Variants in ABCA12 observed in about 807,000 individuals in gnomAD.
ABCA12 encodes glucosylceramide transporter ABCA12.
ABCA12 carries 156 observed loss-of-function variants against 293.5 expected under a neutral mutation model. That is an observed-to-expected ratio of 0.53 (90% CI 0.47 to 0.61). The LOEUF is 0.61. Among genes scored for constraint, ABCA12 ranks in the 20% least tolerant of loss-of-function variants. ABCA12 has a pLI of 0.00. For synonymous variants in ABCA12, 1,063 were observed against 1,108.0 expected, an observed-to-expected ratio of 0.96 and a Z score of 0.81; for missense variants, 2,797 against 3,090.2, an observed-to-expected ratio of 0.91 and a Z score of 2.25.
intron 9 of ABCA12, chr2:215,030,369 C>G (rs1009393564): frequency 6.6e-6 from 1 of 150,810 alleles, no homozygotes; most frequent in Non-Finnish European, 1.5e-5. Context: ...CCGAGGCGGG[C>G]GAATCACGAG....
At chr2:214,956,945 A>G (rs1309013152) in intron 41 of ABCA12, among the ~76,000 whole-genome samples, 167 bp from the exon 42 acceptor site, 1 of 152,156 alleles carries the variant, frequency 6.6e-6, no homozygotes, top group Non-Finnish European at 1.5e-5. Flanking sequence ...CTTATTTTAC[A>G]TTGATTTCAC....
chr2:214,967,999 A>C (rs1306944754), intron 38 of ABCA12, among the ~76,000 whole-genome samples: 1 of 152,142 alleles, frequency 6.6e-6, no homozygotes, highest in African/African-American at 2.4e-5. Flanking sequence ...GAGCAGAATT[A>C]TTTATCTCCA....
intron 1 of ABCA12, among the ~76,000 whole-genome samples, chr2:215,121,993 G>T (rs1702816512): frequency 6.6e-6 from 1 of 152,124 alleles, no homozygotes; most frequent in Non-Finnish European, 1.5e-5. Context: ...TAATACACTG[G>T]TGTGCCTCAC....
intron 4 of ABCA12, 49 bp from the exon 5 acceptor site, chr2:215,052,633 ATG>A (rs781516322): frequency 4.9e-6 from 7 of 1,427,514 alleles, no homozygotes; most frequent in South Asian, 1.1e-5. Flanking sequence ...ACACACACAA[ATG>A]CACAGGACCA....
chr2:214,974,893 C>T, intron 34 of ABCA12, 29 bp from the exon 35 acceptor site: 1 of 1,575,582 alleles, frequency 6.3e-7, no homozygotes, highest in Non-Finnish European at 8.7e-7. Flanking sequence ...GAAACAAATT[C>T]ATGATTTTTC....
At chr2:215,033,678 A>C (rs1362005232) in intron 8 of ABCA12, among the ~76,000 whole-genome samples, 1 of 152,218 alleles carries the variant, frequency 6.6e-6, no homozygotes, top group African/African-American at 2.4e-5. Context: ...ACAGTGGCTC[A>C]TGCCTGTAAT....
chr2:214,987,810 T>C lies in ABCA12; in HGVS notation c.3830-17A>G. 1 of 1,611,992 alleles carries C rather than the reference T, an allele frequency of 6.2e-7. No homozygotes were observed. The highest frequency in any genetic ancestry group is 8.5e-7 in the Non-Finnish European group (1 of 1,179,002). ...CGTATGTCCCTGGAATAAAAATATA[T>C]CAGGAACAGTGAGTTTTAGTTGACT... is the stretch of plus-strand genomic sequence containing the variant. On this transcript the variant is annotated splice_polypyrimidine_tract_variant and intron_variant, in intron 26 of 52. Coordinates refer to ENST00000272895, the MANE Select transcript of ABCA12 (RefSeq NM_173076.3).
intron 30 of ABCA12, among the ~76,000 whole-genome samples, chr2:214,981,561 C>A (rs985706425): frequency 1.3e-5 from 2 of 152,048 alleles, no homozygotes; most frequent in African/African-American, 4.8e-5. Context: ...CAACTCACAG[C>A]GGGCAGTACA....
chr2:214,963,955 A>G (rs1699187281), intron 39 of ABCA12, among the ~76,000 whole-genome samples: 1 of 147,568 alleles, frequency 6.8e-6, no homozygotes, highest in Admixed American at 6.8e-5. Context: ...ACTTCAGGCC[A>G]ATATCCTTGA....
intron 6 of ABCA12, 119 bp downstream of exon 6, chr2:215,049,507 G>T: frequency 1.0e-6 from 1 of 981,670 alleles, no homozygotes. Flanking sequence ...ATGTCTATGT[G>T]AGGAAAACAT....
At chr2:214,939,259 G>T (rs1698319638) in intron 50 of ABCA12, among the ~76,000 whole-genome samples, 1 of 152,264 alleles carries the variant, frequency 6.6e-6, no homozygotes, top group Non-Finnish European at 1.5e-5. Flanking sequence ...CTTTGTCAAA[G>T]ATCAGATGGT....
Position 214,934,103 on chromosome 2 carries a change from A to C in ABCA12, c.7655T>G (p.Leu2552Ter). The change falls in exon 52 of 53, where the codon TTA (leucine) becomes TGA (stop). Residue 2552 changes from leucine to a stop codon, truncating the protein, a stop_gained. Coordinates refer to ENST00000272895, the MANE Select transcript of ABCA12 (RefSeq NM_173076.3). LOFTEE classifies it high-confidence loss of function. ...CTCTTCCAGAGTGGTCTGACTCACT[A>C]AGAAATTTGTAATATTTAAAGCAGT... is the stretch of plus-strand genomic sequence containing the variant. Reference protein sequence around the residue: ...NKTALNITNFLVSQTTLEEVF... With the variant: ...NKTALNITNF The C allele has an allele frequency of 1.2e-6, 2 of 1,613,728 alleles. No individual in the cohort carries two copies. Among genetic ancestry groups the C allele is most frequent in the Non-Finnish European group, 1.7e-6 (2 of 1,179,718 alleles).
rs1702282932 is a variant in ABCA12 at position 215,098,046 on chromosome 2, TTTCA to T, written c.163+13547_163+13550del. Among the ~76,000 whole-genome samples the T allele has an allele frequency of 3.3e-5, 5 of 152,268 alleles. No individual in the cohort carries two copies. In the South Asian group the frequency reaches 1.0e-3, roughly 32 times the overall value. On this transcript the variant is annotated intron_variant, in intron 2 of 52. Transcript: ENST00000272895. The stretch of plus-strand genomic sequence containing the variant: ...AGGATTCAGTGGAGGTAAGTCAAGT[TTTCA>T]CAGGAGTTAGGTTCAATTTTGGTCC...
chr2:215,089,026 T>C (rs770504469), intron 2 of ABCA12, among the ~76,000 whole-genome samples: 8 of 152,066 alleles, frequency 5.3e-5, no homozygotes, highest in Non-Finnish European at 8.8e-5. Context: ...GCCAGGCACA[T>C]TGAAAGAGCA....
intron 45 of ABCA12, among the ~76,000 whole-genome samples, chr2:214,949,400 A>C (rs1698684468): frequency 6.6e-6 from 1 of 151,658 alleles, no homozygotes; most frequent in South Asian, 2.1e-4. Context: ...ACACACACAC[A>C]CACAGGACCT....
chr2:214,942,404 G>A (rs1282388145), intron 50 of ABCA12, among the ~76,000 whole-genome samples: 7 of 152,090 alleles, frequency 4.6e-5, no homozygotes, highest in Non-Finnish European at 1.5e-5. Flanking sequence ...ATACACTCTG[G>A]TGTATACAAA....
At chr2:215,137,267 G>A (rs2970968) in intron 1 of ABCA12, among the ~76,000 whole-genome samples, 50,508 of 151,986 alleles carry the variant, frequency 0.33, 11,948 homozygotes, top group African/African-American at 0.67. Flanking sequence ...CATAGATAAA[G>A]TGCTGGTTTC....
At chr2:215,027,026 G>T in intron 9 of ABCA12, 88 bp from the exon 10 acceptor site, 2 of 983,196 alleles carry the variant, frequency 2.0e-6, no homozygotes, top group Non-Finnish European at 3.2e-6. Flanking sequence ...CCCTTGTTTG[G>T]CATTGGTTGA....
chr2:215,003,781 C>A (rs1307365550), intron 20 of ABCA12, among the ~76,000 whole-genome samples: 1 of 151,928 alleles, frequency 6.6e-6, no homozygotes, highest in Non-Finnish European at 1.5e-5. Flanking sequence ...AATTCTCCTG[C>A]CTCAGCCTCC....
Sources: gnomAD v4.1 joint callset for allele counts (sites outside exome capture counted in the v4.1 genomes callset) on GRCh38, gnomAD v4.1.1 for gene constraint, MANE v1.5 for transcripts, NCBI Gene and HGNC (gene_info 2026-07-23, HGNC 2026-07-21) for gene names.